Variants in TRPC5 observed in about 807,000 individuals in gnomAD.
TRPC5 encodes transient receptor potential cation channel subfamily C member 5, also known as short transient receptor potential channel 5.
A neutral mutation model predicts 56.5 loss-of-function variants in TRPC5; 9 were observed. The ratio of observed to expected loss-of-function variants is 0.16; its 90% confidence interval spans 0.10 to 0.28. The LOEUF (loss-of-function observed/expected upper bound fraction) is 0.28. Ranked by LOEUF, TRPC5 falls within the 10% of genes least tolerant of loss-of-function variation. The pLI is 1.00. For synonymous variants in TRPC5, 282 were observed against 278.5 expected, an observed-to-expected ratio of 1.01 and a Z score of -0.13; for missense variants, 469 against 748.9, an observed-to-expected ratio of 0.63 and a Z score of 4.36.
chrX:111,957,848 T>C (rs1180570471), intron 1 of TRPC5, among the ~76,000 whole-genome samples: 1 of 111,938 alleles, frequency 8.9e-6, no homozygotes, highest in East Asian at 2.8e-4. Context: ...GTAAATAAGT[T>C]AAACATAGTG....
At chrX:112,075,713 C>T (rs748589499) in intron 1 of TRPC5, among the ~76,000 whole-genome samples, 12 of 111,635 alleles carry the variant, frequency 1.1e-4, no homozygotes, top group Non-Finnish European at 2.3e-4. Flanking sequence ...CAGGAGTTGG[C>T]CAGCTGAGTT....
chrX:111,982,654 T>C (rs754587604), intron 1 of TRPC5, among the ~76,000 whole-genome samples: 1 of 111,741 alleles, frequency 8.9e-6, no homozygotes, highest in Non-Finnish European at 1.9e-5. Flanking sequence ...CTGATTAAGA[T>C]GCTTGAGGGG....
chrX:111,819,566 C>A (rs1482185209), intron 7 of TRPC5, among the ~76,000 whole-genome samples: 3 of 111,418 alleles, frequency 2.7e-5, no homozygotes, highest in African/African-American at 9.8e-5. Context: ...GGAACTAAGC[C>A]AATCAGAACT....
intron 8 of TRPC5, 99 bp from the exon 9 acceptor site, chrX:111,781,305 A>G: frequency 4.1e-6 from 3 of 736,855 alleles, no homozygotes; most frequent in South Asian, 4.9e-5. Flanking sequence ...TTAGGACTAG[A>G]GAATGCTACA....
chrX:111,825,151 CTTTCTTTCTTTCTTTCTTTCTTTCTTT>C (rs1922162757), intron 7 of TRPC5, among the ~76,000 whole-genome samples: 1 of 22,113 alleles, frequency 4.5e-5, no homozygotes, highest in African/African-American at 7.5e-5. Context: ...TCCTTCCTTT[CTTTCTTTCTTTCTTTCTTTCTTTCTTT>C]CTTTCTTTCT....
At chrX:111,941,119 A>G (rs1254795239) in intron 2 of TRPC5, among the ~76,000 whole-genome samples, 1 of 112,109 alleles carries the variant, frequency 8.9e-6, no homozygotes, top group East Asian at 2.8e-4. Flanking sequence ...CCTGTTAACT[A>G]TATATGTTTA....
chrX:111,870,034 C>G (rs1463634687), intron 3 of TRPC5, among the ~76,000 whole-genome samples: 1 of 111,763 alleles, frequency 8.9e-6, no homozygotes, highest in East Asian at 2.8e-4. Flanking sequence ...AGAAAGCATG[C>G]TAATGACCTA....
intron 1 of TRPC5, among the ~76,000 whole-genome samples, chrX:111,996,252 A>G (rs1928527826): frequency 8.9e-6 from 1 of 112,042 alleles, no homozygotes; most frequent in African/African-American, 3.2e-5. Context: ...CCCAGTAGTC[A>G]TTCAGGAGCA....
chrX:111,976,260 A>G (rs1312641352), intron 1 of TRPC5, among the ~76,000 whole-genome samples: 1 of 110,097 alleles, frequency 9.1e-6, no homozygotes, highest in Non-Finnish European at 1.9e-5. Flanking sequence ...TTGTCTCTGT[A>G]AAAAATAGAA....
chrX:111,852,204 A>G (rs1923104320), intron 5 of TRPC5, 94 bp downstream of exon 5: 2 of 835,006 alleles, frequency 2.4e-6, no homozygotes, highest in African/African-American at 2.1e-5. Context: ...CATCATCATC[A>G]TCACTTTTTC....
At chrX:111,846,635 C>T (rs1277649347) in intron 6 of TRPC5, among the ~76,000 whole-genome samples, 1 of 111,246 alleles carries the variant, frequency 9.0e-6, no homozygotes, top group Non-Finnish European at 1.9e-5. Context: ...CAGCCTGTCC[C>T]CTCTCGAGAT....
chrX:112,048,974 C>A (rs767024210), intron 1 of TRPC5, among the ~76,000 whole-genome samples: 8 of 112,185 alleles, frequency 7.1e-5, no homozygotes, highest in Non-Finnish European at 1.5e-4. Context: ...GCTAAGGGAG[C>A]CTTTCTGCCT....
intron 1 of TRPC5, among the ~76,000 whole-genome samples, chrX:112,003,966 T>C (rs111951603): frequency 0.094 from 10,544 of 112,021 alleles, 780 homozygotes; most frequent in African/African-American, 0.26. Context: ...GCATTTGTAA[T>C]AGCAACTATT....
At chrX:111,873,806 T>A (rs999595198) in intron 3 of TRPC5, among the ~76,000 whole-genome samples, 19 of 109,580 alleles carry the variant, frequency 1.7e-4, no homozygotes, top group Non-Finnish European at 3.4e-4. Flanking sequence ...ATAAAAAAAA[T>A]TTGAAATAAA....
At chrX:112,003,103 C>A (rs1334675917) in intron 1 of TRPC5, among the ~76,000 whole-genome samples, 1 of 111,283 alleles carries the variant, frequency 9.0e-6, no homozygotes, top group African/African-American at 3.3e-5. Flanking sequence ...CTACTGCTAG[C>A]CAAGCATTGG....
intron 1 of TRPC5, among the ~76,000 whole-genome samples, chrX:112,044,624 A>T (rs1237387356): frequency 8.9e-6 from 1 of 112,031 alleles, no homozygotes; most frequent in Non-Finnish European, 1.9e-5. Flanking sequence ...GCTGTCATGG[A>T]CTCAATGAAT....
intron 1 of TRPC5, among the ~76,000 whole-genome samples, chrX:112,006,664 G>A (rs888427963): frequency 7.2e-5 from 8 of 111,804 alleles, no homozygotes; most frequent in African/African-American, 2.6e-4. Flanking sequence ...ATTTATATGG[G>A]ATGTATGGGA....
At chrX:112,048,443 T>C (rs1468680005) in intron 1 of TRPC5, among the ~76,000 whole-genome samples, 2 of 79,835 alleles carry the variant, frequency 2.5e-5, no homozygotes, top group Non-Finnish European at 4.8e-5. Context: ...GAGTGATGAG[T>C]GATAAAAGCA....
At chrX:111,829,883 A>G (rs1269292998) in intron 7 of TRPC5, among the ~76,000 whole-genome samples, 1 of 113,136 alleles carries the variant, frequency 8.8e-6, no homozygotes, top group Non-Finnish European at 1.9e-5. Flanking sequence ...CACAGTCCCC[A>G]CTGGGGCACT....
Sources: allele counts gnomAD v4.1 joint callset (sites outside exome capture counted in the v4.1 genomes callset), GRCh38; gene constraint gnomAD v4.1.1; transcripts MANE v1.5; gene names NCBI Gene and HGNC (gene_info 2026-07-23, HGNC 2026-07-21).